The following DST variants were observed in gnomAD, a reference collection of about 807,000 sequenced individuals.
The protein encoded by DST is bullous pemphigoid antigen.
DST carries 253 observed loss-of-function variants against 875.2 expected under a neutral mutation model. That is an observed-to-expected ratio of 0.29 (90% CI 0.26 to 0.32). DST has a LOEUF of 0.32. DST is among the 10% of genes least tolerant of loss of function. DST has a pLI of 1.00. For missense variants in DST, 8,287 were observed against 9,111.6 expected (o/e 0.91, Z 3.68); for synonymous variants, 3,124 against 3,197.1 (o/e 0.98, Z 0.77).
Position 56,482,854 on chromosome 6 carries a change from C to G in DST, c.21231G>C (p.Lys7077Asn). ...TCAGGGCCTGCACACTGCTGGTCCT[C>G]TTCCCCAACTCTTTTTGGAAGGCCT... is the stretch of plus-strand genomic sequence containing the variant. ...NHKAFQKELG[K>N]RTSSVQALKR... is the part of the protein sequence containing the mutation. The change falls in exon 89 of 104, where the codon AAG becomes AAC. Residue 7077 changes from lysine (K) to asparagine (N), a missense_variant. This residue lies in a region of DST where 1,292 missense variants were observed against 1,552.7 expected (regional missense o/e 0.83). Coordinates refer to ENST00000680361, the MANE Select transcript of DST (RefSeq NM_001374736.1). 1 of 1,565,678 alleles carries G rather than the reference C, an allele frequency of 6.4e-7. No individual in the cohort carries two copies.
At chr6:56,707,184 G>A (rs961355709) in intron 5 of DST, among the ~76,000 whole-genome samples, 3 of 152,182 alleles carry the variant, frequency 2.0e-5, no homozygotes, top group African/African-American at 7.2e-5. Flanking sequence ...TGGCCTGGGG[G>A]TTGGGGACTC....
intron 7 of DST, among the ~76,000 whole-genome samples, chr6:56,703,295 CTGAA>C (rs2099318673): frequency 6.6e-6 from 1 of 152,042 alleles, no homozygotes. Flanking sequence ...CTTCCAGAAA[CTGAA>C]TGAATTTGCA....
chr6:56,762,875 AG>A (rs2099620794), intron 4 of DST, among the ~76,000 whole-genome samples: 1 of 126,600 alleles, frequency 7.9e-6, no homozygotes, highest in African/African-American at 3.2e-5. Flanking sequence ...TTTGAGACAG[AG>A]TTTCACTCTT....
intron 32 of DST, 83 bp downstream of exon 32, chr6:56,629,167 T>C (rs2098757311): frequency 7.4e-7 from 1 of 1,348,822 alleles, no homozygotes; most frequent in Non-Finnish European, 1.1e-6. Flanking sequence ...AGTAAAAAAA[T>C]AGCCTCATAT....
intron 5 of DST, among the ~76,000 whole-genome samples, chr6:56,712,158 T>C (rs1207086749): frequency 6.6e-6 from 1 of 151,968 alleles, no homozygotes; most frequent in African/African-American, 2.4e-5. Flanking sequence ...CAGTATTCTG[T>C]CTGTTTGGCA....
At chr6:56,769,908 C>T (rs1321625824) in intron 4 of DST, among the ~76,000 whole-genome samples, 2 of 152,192 alleles carry the variant, frequency 1.3e-5, no homozygotes, top group Non-Finnish European at 2.9e-5. Flanking sequence ...CTGCCCACTT[C>T]CAACATGGAG....
chr6:56,758,083 G>A (rs993808723), intron 4 of DST, among the ~76,000 whole-genome samples: 4 of 152,136 alleles, frequency 2.6e-5, no homozygotes, highest in Non-Finnish European at 2.9e-5. Context: ...ATAATCAAGC[G>A]CGTACAACTG....
intron 85 of DST, among the ~76,000 whole-genome samples, chr6:56,489,916 T>C (rs910453505): frequency 2.6e-5 from 4 of 152,186 alleles, no homozygotes; most frequent in African/African-American, 9.6e-5. Flanking sequence ...ACTTTCTTCT[T>C]GTTCAATAAT....
At chr6:56,759,323 T>C (rs2099611849) in intron 4 of DST, among the ~76,000 whole-genome samples, 1 of 151,994 alleles carries the variant, frequency 6.6e-6, no homozygotes, top group Non-Finnish European at 1.5e-5. Context: ...TGGTGGCACA[T>C]GCCTGTAGTC....
intron 15 of DST, 167 bp from the exon 16 acceptor site, chr6:56,642,670 A>T: frequency 6.2e-7 from 1 of 1,614,184 alleles, no homozygotes; most frequent in Non-Finnish European, 8.5e-7. Context: ...AGAGTTGATC[A>T]GTGTTGGACC....
chr6:56,568,487 T>G lies in DST; in HGVS notation c.13987A>C (p.Ile4663Leu), dbSNP rs974742458. The G allele has an allele frequency of 6.2e-7, 1 of 1,604,422 alleles. No homozygotes were observed. The highest frequency in any genetic ancestry group is 1.3e-5 in the African/African-American group (1 of 74,486). Residue 4663 changes from isoleucine (I) to leucine (L), a missense_variant, in exon 55 of 104, where the codon ATA becomes CTA. Physicochemically the swap from Ile to Leu is conservative, Grantham distance 5 (BLOSUM62 2). Coordinates refer to ENST00000680361, the MANE Select transcript of DST (RefSeq NM_001374736.1). ...ISAVTTPAKA[I>L]AAVKSGGAVL... ...CTCATACCTGATTTAACTGCTGCTA[T>G]TGCCTTTGCAGGGGTGGTCACAGCA...
intron 39 of DST, among the ~76,000 whole-genome samples, chr6:56,610,169 G>C (rs957376318): frequency 7.9e-5 from 12 of 152,168 alleles, no homozygotes; most frequent in African/African-American, 2.9e-4. Flanking sequence ...TTAAAGAGAA[G>C]AGTTAGAAGA....
chr6:56,502,286 A>G (rs1264662841), intron 78 of DST, among the ~76,000 whole-genome samples: 1 of 152,160 alleles, frequency 6.6e-6, no homozygotes, highest in Non-Finnish European at 1.5e-5. Context: ...GTTAGCAAAC[A>G]GTTGCTTGTA....
chr6:56,558,754 G>A (rs1385643045), intron 58 of DST, among the ~76,000 whole-genome samples: 1 of 152,084 alleles, frequency 6.6e-6, no homozygotes, highest in Admixed American at 6.6e-5. Flanking sequence ...ATCTTTGAAG[G>A]TTTGTACTCT....
At chr6:56,781,498 T>G (rs1225250934) in intron 4 of DST, among the ~76,000 whole-genome samples, 1 of 152,098 alleles carries the variant, frequency 6.6e-6, no homozygotes. Context: ...TGAATGGGAG[T>G]TCACTCATGA....
At position 56,517,566 on chromosome 6, in the gene DST, A is replaced by AT; in HGVS notation, c.18183dup (p.Leu6062IlefsTer6). ...AGCCTGATGTCACCCAGAGACATCA[A>AT]TTTTTTTTCTGTTTCAGTAATCCAG... is the stretch of plus-strand genomic sequence containing the variant. On this transcript the variant is annotated frameshift_variant, in exon 70 of 104. Coordinates refer to ENST00000680361, the MANE Select transcript of DST (RefSeq NM_001374736.1). LOFTEE classifies it high-confidence loss of function. The AT allele has an allele frequency of 1.9e-6, 3 of 1,613,002 alleles. No individual in the cohort carries two copies. The highest frequency in any genetic ancestry group is 1.3e-5 in the African/African-American group (1 of 74,938).
chr6:56,683,044 A>C (rs981739279), intron 9 of DST, among the ~76,000 whole-genome samples: 1 of 152,200 alleles, frequency 6.6e-6, no homozygotes, highest in African/African-American at 2.4e-5. Context: ...TTAGTACAAA[A>C]GTATTTGCAG....
At chr6:56,850,700 CCA>C (rs1056557617) in intron 4 of DST, among the ~76,000 whole-genome samples, 12 of 152,224 alleles carry the variant, frequency 7.9e-5, no homozygotes, top group African/African-American at 2.7e-4. Flanking sequence ...AGGTTGATTT[CCA>C]CAGTGTTCTC....
At chr6:56,482,202 C>A (rs2095424408) in intron 89 of DST, 24 bp from the exon 90 acceptor site, 7 of 1,593,028 alleles carry the variant, frequency 4.4e-6, no homozygotes, top group African/African-American at 1.3e-5. Context: ...CACACACACA[C>A]CCCAAACAAA....
Sources: allele counts gnomAD v4.1 joint callset (sites outside exome capture counted in the v4.1 genomes callset), GRCh38; gene constraint gnomAD v4.1.1; regional missense constraint gnomAD v4.1.1; transcripts MANE v1.5; gene names NCBI Gene and HGNC (gene_info 2026-07-23, HGNC 2026-07-21).